The following COG8 variants were observed in gnomAD, a reference collection of about 807,000 sequenced individuals.
COG8 encodes the protein component of oligomeric golgi complex 8, also known as conserved oligomeric Golgi complex subunit 8.
Under a neutral mutation model 46.5 loss-of-function variants are expected in COG8, and 45 were observed. That is an observed-to-expected ratio of 0.97 (90% CI 0.76 to 1.24). The LOEUF (loss-of-function observed/expected upper bound fraction) is 1.24, where lower values mean the gene tolerates loss of function less well. COG8 is among the 50% of genes most tolerant of loss of function. The pLI, the probability that COG8 is intolerant of heterozygous loss-of-function variation, is 0.00. For missense variants in COG8, 793 were observed against 820.8 expected, an observed-to-expected ratio of 0.97 and a Z score of 0.41; for synonymous variants, 407 against 347.8, an observed-to-expected ratio of 1.17 and a Z score of -1.90.
intron 2 of COG8, 38 bp from the exon 3 acceptor site, chr16:69,335,386 G>A (rs1038355131): frequency 2.0e-6 from 3 of 1,502,038 alleles, no homozygotes; most frequent in Non-Finnish European, 2.7e-6. Context: ...GCGCTGGGAA[G>A]GATGCTCTCT....
chr16:69,333,897 A>G (rs575014474), intron 3 of COG8, among the ~76,000 whole-genome samples: 4 of 152,252 alleles, frequency 2.6e-5, no homozygotes, highest in Non-Finnish European at 5.9e-5. Context: ...AGATGTAATT[A>G]AAGTCCCTAA....
intron 2 of COG8, among the ~76,000 whole-genome samples, chr16:69,336,121 T>C (rs548854716): frequency 5.3e-5 from 8 of 152,288 alleles, no homozygotes; most frequent in African/African-American, 1.9e-4. Context: ...GCTTAAATGT[T>C]ACCTCCCTAG....
chr16:69,339,397 C>T lies in COG8; in HGVS notation c.156G>A (p.Glu52=). 1.3e-6 allele frequency: 2 copies of T among 1,585,964 alleles called. No homozygotes were observed. Among genetic ancestry groups the T allele is most frequent in the Non-Finnish European group, 1.7e-6 (2 of 1,170,370 alleles). ...ERPDVGRYLR[E]LSGSGLERLR... ...GCCGCTCCAGCCCCGAGCCGCTCAACTCCCGGAGGTAGCGGCCCACATCGG... is the reference window on the plus strand; with the variant it reads ...GCCGCTCCAGCCCCGAGCCGCTCAATTCCCGGAGGTAGCGGCCCACATCGG... The change falls in exon 1 of 6, where the codon GAG becomes GAA. Residue 52 remains glutamate, a synonymous_variant. Coordinates refer to ENST00000306875, the MANE Select transcript of COG8 (RefSeq NM_032382.5).
In COG8 at chr16:69,329,173, T is replaced by C; in HGVS notation, c.*33A>G. 1 of 1,597,592 alleles carries C rather than the reference T, an allele frequency of 6.3e-7. No individual in the cohort carries two copies. The highest frequency in any genetic ancestry group is 1.1e-5 in the South Asian group (1 of 89,076). ...CCACACCACCTGTTCTCCATTGGGG[T>C]CCAGCCCTGCAAAGGAAGTTACAGC... On this transcript the variant is annotated 3_prime_UTR_variant, in exon 6 of 6. Coordinates refer to ENST00000306875, the MANE Select transcript of COG8 (RefSeq NM_032382.5).
At chr16:69,330,696 A>C in intron 5 of COG8, 117 bp downstream of exon 5, 1 of 1,392,532 alleles carries the variant, frequency 7.2e-7, no homozygotes, top group Non-Finnish European at 9.4e-7. Flanking sequence ...TTAGACTGGC[A>C]GTGAGCACCG....
chr16:69,330,320 C>A, intron 5 of COG8: 2 of 1,443,944 alleles, frequency 1.4e-6, no homozygotes, highest in Non-Finnish European at 1.8e-6. Context: ...TAGCTGCGCC[C>A]GCTCCACCGG....
chr16:69,329,131 G>A lies in COG8; in HGVS notation c.*75C>T, dbSNP rs768207519. 6.2e-6 allele frequency: 10 copies of A among 1,608,506 alleles called. No individual in the cohort carries two copies. Among genetic ancestry groups the A allele is most frequent in the South Asian group, 1.1e-5 (1 of 90,518 alleles). On this transcript the variant is annotated 3_prime_UTR_variant, in exon 6 of 6. Transcript: ENST00000306875. ...CATCTCGTGCTGGATGATGCGGGCT[G>A]CCCACCCGCTCGCCTGCCACACCAC...
rs753792408 is a variant in COG8, at chr16:69,339,358, G to C, written c.195C>G (p.Pro65=). The change falls in exon 1 of 6, where the codon CCC becomes CCG. Residue 65 remains proline, a synonymous_variant. Transcript: ENST00000306875. ...GCGCCCGCTCCTCCGCCAGGCGCTC[G>C]GGCTCGCGCCGCAGCCGCTCCAGCC... ...GSGLERLRRE[P]ERLAEERAQL... The C allele has an allele frequency of 5.7e-6, 9 of 1,587,942 alleles. No homozygotes were observed. Among genetic ancestry groups the C allele is most frequent in the South Asian group, 2.2e-5 (2 of 89,562 alleles).
Position 69,332,863 on chromosome 16 carries a change from G to A in COG8, c.1433C>T (p.Ala478Val), listed in dbSNP as rs2011972588. The change falls in exon 4 of 6, where the codon GCC becomes GTC. Residue 478 changes from alanine to valine, a missense_variant. By Grantham distance (64) the Ala-to-Val change is moderately conservative. Transcript: ENST00000306875. ...ALAKVTKIIL[A>V]FHRAEEAAFS... ...GGCAGCCTCTTCAGCGCGATGGAAG[G>A]CCAGGATTATTTTAGTTACCTAAGA... 6 of 1,614,064 alleles carry A rather than the reference G, an allele frequency of 3.7e-6. No homozygotes were observed. Among genetic ancestry groups the A allele is most frequent in the African/African-American group, 1.3e-5 (1 of 74,936 alleles).
At chr16:69,331,453 CAAAAAAAA>C (rs1185929938) in intron 4 of COG8, among the ~76,000 whole-genome samples, 3,139 of 61,296 alleles carry the variant, frequency 0.051, 52 homozygotes, top group Middle Eastern at 0.17. Context: ...AACTCCGTCT[CAAAAAAAA>C]AAAAAAAAAA....
At chr16:69,332,588 G>A in intron 4 of COG8, 126 bp downstream of exon 4, 3 of 959,224 alleles carry the variant, frequency 3.1e-6, no homozygotes, top group Non-Finnish European at 5.0e-6. Flanking sequence ...TCTTTTTGGA[G>A]TGATGGAAAT....
At position 69,326,870 on chromosome 16, in the gene COG8, T is replaced by TA. The variant is rs1965606708; in HGVS notation, c.*2335_*2336insT. 1 of 152,224 alleles carries TA rather than the reference T, an allele frequency of 6.6e-6. No individual in the cohort carries two copies. The highest frequency in any genetic ancestry group is 1.5e-5 in the Non-Finnish European group (1 of 68,034). The allele number at this position is 152,224 out of a possible 1,614,324, so 9.4% of individuals were successfully genotyped here. On this transcript the variant is annotated 3_prime_UTR_variant, in exon 6 of 6. Coordinates refer to ENST00000306875, the MANE Select transcript of COG8 (RefSeq NM_032382.5). ...AACGTTGACATGTATATGCGTTTTT[T>TA]GTGAGTGCTTCCTGCTCAAAGTGGG...
At chr16:69,334,374 A>G in intron 3 of COG8, 147 bp downstream of exon 3, 1 of 753,528 alleles carries the variant, frequency 1.3e-6, no homozygotes, top group Non-Finnish European at 2.3e-6. Flanking sequence ...AACTGGCCAG[A>G]GCTTCTCAAT....
intron 2 of COG8, 63 bp from the exon 3 acceptor site, chr16:69,335,411 T>A: frequency 7.3e-7 from 1 of 1,369,484 alleles, no homozygotes; most frequent in Non-Finnish European, 1.0e-6. Flanking sequence ...CCCATTCCCC[T>A]AACTCTGAAG....
In COG8 at chr16:69,339,273, C is replaced by T. The variant is rs372433616; in HGVS notation, c.280G>A (p.Ala94Thr). Reference protein sequence around the residue: ...FANYKTFIRGAECTERIHRLF... With the variant: ...FANYKTFIRGTECTERIHRLF... ...CGGTGGATGCGCTCGGTGCACTCGG[C>T]GCCGCGGATGAAGGTCTTGTAGTTA... Residue 94 changes from alanine to threonine, a missense_variant, in exon 1 of 6, where the codon GCC becomes ACC. Ala to Thr is a moderately conservative substitution (Grantham distance 58, BLOSUM62 0). Transcript: ENST00000306875. 7.4e-6 allele frequency: 12 copies of T among 1,612,510 alleles called. 1 individual carries two copies. The highest frequency in any genetic ancestry group is 4.5e-5 in the East Asian group (2 of 44,866).
intron 4 of COG8, among the ~76,000 whole-genome samples, chr16:69,331,564 G>C (rs1371139012): frequency 2.0e-5 from 3 of 151,032 alleles, no homozygotes; most frequent in Non-Finnish European, 4.4e-5. Context: ...GTGCAGTGGC[G>C]TGATTGCTGC....
In COG8 at chr16:69,326,766, C is replaced by T. The variant is rs531927069; in HGVS notation, c.*2440G>A. 6 of 152,308 alleles carry T rather than the reference C, an allele frequency of 3.9e-5. No homozygotes were observed. Among genetic ancestry groups the T allele is most frequent in the Admixed American group, 3.9e-4 (6 of 15,292 alleles). The allele number at this position is 152,308 out of a possible 1,614,324, so 9.4% of individuals were successfully genotyped here. ...AATGCTCTGAAATTCACTTCTCTGCCTGGGGATTCTGTTATAAACCTTCTG... is the reference window on the plus strand; with the variant it reads ...AATGCTCTGAAATTCACTTCTCTGCTTGGGGATTCTGTTATAAACCTTCTG... On this transcript the variant is annotated 3_prime_UTR_variant, in exon 6 of 6. Transcript: ENST00000306875.
In COG8 at chr16:69,328,804, T is replaced by C. The variant is rs547836079; in HGVS notation, c.*402A>G. ...TAGGAAATGTCCACTCCTTTGGGGG[T>C]GATTTTTCTCCTCAAGTTGTAGCCA... On this transcript the variant is annotated 3_prime_UTR_variant, in exon 6 of 6. Coordinates refer to ENST00000306875, the MANE Select transcript of COG8 (RefSeq NM_032382.5). The C allele has an allele frequency of 8.2e-5, 47 of 575,702 alleles. No individual in the cohort carries two copies. The highest frequency in any genetic ancestry group is 1.2e-4 in the Non-Finnish European group (42 of 340,310). 35.7% of individuals were successfully genotyped at this position (575,702 alleles called of 1,614,324 possible).
intron 5 of COG8, chr16:69,330,328 CG>C (rs1439232550): frequency 1.4e-6 from 2 of 1,450,772 alleles, no homozygotes. Context: ...CCCGCTCCAC[CG>C]GGGCCGCCAC....
Sources: allele counts gnomAD v4.1 joint callset (sites outside exome capture counted in the v4.1 genomes callset), GRCh38; gene constraint gnomAD v4.1.1; transcripts MANE v1.5; gene names NCBI Gene and HGNC (gene_info 2026-07-23, HGNC 2026-07-21).